The following USP13 variants were observed in gnomAD, a reference collection of about 807,000 sequenced individuals.
The protein encoded by USP13 is ubiquitin carboxyl-terminal hydrolase 13.
A neutral mutation model predicts 107.8 loss-of-function variants in USP13; 68 were observed. The observed-to-expected ratio is 0.63, with a 90% confidence interval of 0.52 to 0.77. The LOEUF is 0.77. Ranked by LOEUF, USP13 falls within the 30% of genes least tolerant of loss-of-function variation. The pLI, the probability that USP13 is intolerant of heterozygous loss-of-function variation, is 0.00. For synonymous variants in USP13, 377 were observed against 389.5 expected (o/e 0.97, Z 0.38); for missense variants, 945 against 1,093.3 (o/e 0.86, Z 1.91).
rs145034700 is a variant in USP13, at chr3:179,690,291, G to T, written c.345G>T (p.Lys115Asn). Residue 115 changes from lysine (K) to asparagine (N), a missense_variant, in exon 3 of 21, where the codon AAG becomes AAT. Lys to Asn is a moderately conservative substitution (Grantham distance 94, BLOSUM62 0). Coordinates refer to ENST00000263966, the MANE Select transcript of USP13 (RefSeq NM_003940.3). ...CGTTACCAAAAAGGAGGAATTCCAAGATTTTTTTAGGTAAATAGTTATCAG... is the reference window on the plus strand; with the variant it reads ...CGTTACCAAAAAGGAGGAATTCCAATATTTTTTTAGGTAAATAGTTATCAG... ...GGALPKRRNS[K>N]IFLDLDTDDD... The T allele has an allele frequency of 6.8e-6, 11 of 1,613,782 alleles. No homozygotes were observed. The highest frequency in any genetic ancestry group is 8.5e-6 in the Non-Finnish European group (10 of 1,179,894).
At chr3:179,732,041 G>T (rs1191344477) in intron 10 of USP13, among the ~76,000 whole-genome samples, 2 of 152,194 alleles carry the variant, frequency 1.3e-5, no homozygotes, top group Non-Finnish European at 2.9e-5. Flanking sequence ...TGGGGATGGG[G>T]AGAAAGAAGT....
intron 9 of USP13, 147 bp downstream of exon 9, chr3:179,730,407 A>G: frequency 2.0e-6 from 2 of 977,868 alleles, no homozygotes; most frequent in South Asian, 3.4e-5. Context: ...TACTTTTATA[A>G]GAAGATAAAG....
chr3:179,774,090 C>T (rs1715423817), intron 19 of USP13, among the ~76,000 whole-genome samples: 1 of 152,150 alleles, frequency 6.6e-6, no homozygotes, highest in African/African-American at 2.4e-5. Flanking sequence ...CCTTAGGAAG[C>T]TTTCAGTCAA....
At chr3:179,654,149 G>A (rs576690543) in intron 1 of USP13, among the ~76,000 whole-genome samples, 15 of 149,792 alleles carry the variant, frequency 1.0e-4, no homozygotes, top group Non-Finnish European at 1.9e-4. Flanking sequence ...GGAAGGAGGA[G>A]GCTGTAGTGG....
intron 13 of USP13, among the ~76,000 whole-genome samples, chr3:179,748,611 T>G (rs1421355963): frequency 6.6e-6 from 1 of 152,216 alleles, no homozygotes; most frequent in East Asian, 1.9e-4. Flanking sequence ...CTTGGAAAGT[T>G]TATTCACCCA....
intron 16 of USP13, among the ~76,000 whole-genome samples, chr3:179,758,849 T>C (rs1419217261): frequency 6.6e-6 from 1 of 151,864 alleles, no homozygotes; most frequent in Non-Finnish European, 1.5e-5. Context: ...AAGTAAAAAG[T>C]CATTTAGAGA....
In USP13 at chr3:179,720,528, A is replaced by G. The variant is rs56341882; in HGVS notation, c.900+494A>G. On this transcript the variant is annotated intron_variant, in intron 7 of 20. Coordinates refer to ENST00000263966, the MANE Select transcript of USP13 (RefSeq NM_003940.3). ...CAAATTGATGTCATGACTATATAAT[A>G]TTTTTCCTTTAAGGAACTATTTCAA... Among the ~76,000 whole-genome samples the G allele has an allele frequency of 9.0e-3, 1,367 of 152,222 alleles. 17 individuals carry two copies. The highest frequency in any genetic ancestry group is 0.021 in the South Asian group (102 of 4,822).
chr3:179,740,887 C>T (rs1369132726), intron 11 of USP13, among the ~76,000 whole-genome samples: 1 of 151,302 alleles, frequency 6.6e-6, no homozygotes, highest in African/African-American at 2.4e-5. Context: ...CTGCCTCAGC[C>T]TCCTGAGTAG....
chr3:179,668,746 C>T (rs1473356647), intron 1 of USP13, among the ~76,000 whole-genome samples: 2 of 152,122 alleles, frequency 1.3e-5, no homozygotes, highest in African/African-American at 4.8e-5. Context: ...TGCTTTTTCT[C>T]CATTATATTT....
chr3:179,701,924 G>A lies in USP13; in HGVS notation c.477+795G>A, dbSNP rs114089571. 2.9e-3 allele frequency among the ~76,000 whole-genome samples: 439 copies of A among 152,276 alleles called. 4 individuals carry two copies. The highest frequency in any genetic ancestry group is 9.8e-3 in the African/African-American group (406 of 41,566). ...GAAGTGGGCGCAGAGTTCCTGTGGG[G>A]ACCCTGTTTTTCCTGCTCTTTGCTC... On this transcript the variant is annotated intron_variant, in intron 4 of 20. Coordinates refer to ENST00000263966, the MANE Select transcript of USP13 (RefSeq NM_003940.3).
chr3:179,674,002 C>T (rs977774756), intron 1 of USP13, among the ~76,000 whole-genome samples: 3 of 152,212 alleles, frequency 2.0e-5, no homozygotes, highest in African/African-American at 4.8e-5. Context: ...AAACGATTCT[C>T]CTGCCTCAGC....
intron 4 of USP13, among the ~76,000 whole-genome samples, chr3:179,706,049 G>A (rs891118206): frequency 3.9e-5 from 6 of 152,128 alleles, no homozygotes; most frequent in Admixed American, 3.3e-4. Flanking sequence ...TCTAAATAAT[G>A]CTATTATGAA....
chr3:179,752,288 A>G lies in USP13; in HGVS notation c.1713A>G (p.Thr571=). 6.2e-7 allele frequency: 1 copy of G among 1,613,870 alleles called. No homozygotes were observed. Among genetic ancestry groups the G allele is most frequent in the South Asian group, 1.1e-5 (1 of 90,930 alleles). Residue 571 remains threonine (T), a synonymous_variant, in exon 14 of 21, where the codon ACA becomes ACG. Coordinates refer to ENST00000263966, the MANE Select transcript of USP13 (RefSeq NM_003940.3). The part of the protein sequence containing the change: ...ALQAKSAGVK[T]SRFASFPEYL... Reference sequence around the variant, plus strand: ...TATATCCCCTTGTGTTTCCCAGAACATCTCGCTTTGCTTCATTCCCTGAAT... The same window carrying G: ...TATATCCCCTTGTGTTTCCCAGAACGTCTCGCTTTGCTTCATTCCCTGAAT...
chr3:179,694,487 C>A (rs1282989702), intron 3 of USP13, among the ~76,000 whole-genome samples: 1 of 151,934 alleles, frequency 6.6e-6, no homozygotes, highest in Non-Finnish European at 1.5e-5. Flanking sequence ...ACCATCACAT[C>A]CTGATTCTGG....
chr3:179,755,984 G>A (rs1228310660), intron 15 of USP13, among the ~76,000 whole-genome samples: 1 of 152,166 alleles, frequency 6.6e-6, no homozygotes, highest in Non-Finnish European at 1.5e-5. Flanking sequence ...GACATTCTAG[G>A]TCACGTAGTA....
chr3:179,726,119 G>T (rs1190281116), intron 8 of USP13, among the ~76,000 whole-genome samples: 2 of 152,058 alleles, frequency 1.3e-5, no homozygotes, highest in African/African-American at 4.8e-5. Flanking sequence ...GGGTGGGGGC[G>T]GCCCCTCTTG....
chr3:179,713,681 T>C (rs1713006590), intron 6 of USP13, among the ~76,000 whole-genome samples: 1 of 152,160 alleles, frequency 6.6e-6, no homozygotes, highest in Non-Finnish European at 1.5e-5. Context: ...TGCCAGTAAG[T>C]AGGATGTTTA....
In USP13 at chr3:179,742,350, G is replaced by T; in HGVS notation, c.1534G>T (p.Asp512Tyr). 6.2e-7 allele frequency: 1 copy of T among 1,614,110 alleles called. No homozygotes were observed. The highest frequency in any genetic ancestry group is 8.5e-7 in the Non-Finnish European group (1 of 1,180,004). ...GGCCATGGAGGCGGCAACCAACAAG[G>T]GTAACAATTCCAAAGCGGGAAATTG... Reference protein sequence around the residue: ...PVAMEAATNKDELIAYELTRR... With the variant: ...PVAMEAATNKYELIAYELTRR... Residue 512 changes from aspartate (D) to tyrosine (Y), a missense_variant and splice_region_variant, in exon 12 of 21, where the codon GAT becomes TAT. Physicochemically the swap from Asp to Tyr is radical, Grantham distance 160. Transcript: ENST00000263966. This position sits in a 1 kb window ranked among gnomAD's most constrained non-coding sequence, Gnocchi z 5.0.
intron 6 of USP13, among the ~76,000 whole-genome samples, chr3:179,710,039 T>C (rs1233594363): frequency 6.6e-6 from 1 of 152,206 alleles, no homozygotes; most frequent in Non-Finnish European, 1.5e-5. Flanking sequence ...CAGGATTCTT[T>C]GGTTTCACAT....
Sources: allele counts gnomAD v4.1 joint callset (sites outside exome capture counted in the v4.1 genomes callset), GRCh38; gene constraint gnomAD v4.1.1; non-coding constraint Gnocchi (gnomAD v3.1); transcripts MANE v1.5; gene names NCBI Gene and HGNC (gene_info 2026-07-23, HGNC 2026-07-21).